The following TMEM132B variants were observed in gnomAD, a reference collection of about 807,000 sequenced individuals.
TMEM132B encodes transmembrane protein 132B.
Under a neutral mutation model 90.8 loss-of-function variants are expected in TMEM132B, and 18 were observed. The ratio of observed to expected loss-of-function variants is 0.20; its 90% CI spans 0.14 to 0.29. The LOEUF (loss-of-function observed/expected upper bound fraction) is 0.29, where lower values mean the gene tolerates loss of function less well. Ranked by LOEUF, TMEM132B falls within the 10% of genes least tolerant of loss-of-function variation. The pLI is 1.00. For synonymous variants in TMEM132B, 504 were observed against 523.3 expected (o/e 0.96, Z 0.50); for missense variants, 1,096 against 1,326.8 (o/e 0.83, Z 2.70).
intron 1 of TMEM132B, among the ~76,000 whole-genome samples, chr12:125,259,879 T>C (rs1874521983): frequency 6.6e-6 from 1 of 151,818 alleles, no homozygotes; most frequent in African/African-American, 2.4e-5. Flanking sequence ...CCCTCGTGGC[T>C]TTGGGCTGAG....
chr12:125,424,065 T>G (rs1880246046), intron 3 of TMEM132B, among the ~76,000 whole-genome samples: 1 of 152,258 alleles, frequency 6.6e-6, no homozygotes, highest in Non-Finnish European at 1.5e-5. Flanking sequence ...AATATTCTAT[T>G]GATATTATAG....
chr12:125,354,460 T>C (rs1266423591), intron 2 of TMEM132B, among the ~76,000 whole-genome samples: 3 of 152,238 alleles, frequency 2.0e-5, no homozygotes, highest in African/African-American at 7.2e-5. Context: ...AATTCACCCC[T>C]GTCCCCACCA....
chr12:125,582,186 G>C (rs73416363), intron 4 of TMEM132B, among the ~76,000 whole-genome samples: 3,691 of 151,948 alleles, frequency 0.024, 143 homozygotes, highest in African/African-American at 0.083. Context: ...TACCTTGGGA[G>C]AGCTGAGAAA....
chr12:125,537,434 T>A (rs1883835172), intron 4 of TMEM132B, among the ~76,000 whole-genome samples: 1 of 152,242 alleles, frequency 6.6e-6, no homozygotes, highest in Admixed American at 6.5e-5. Flanking sequence ...TGGCTACTTC[T>A]ACTGTTCCTG....
chr12:125,412,555 C>T (rs184290256), intron 2 of TMEM132B, among the ~76,000 whole-genome samples: 28 of 152,242 alleles, frequency 1.8e-4, no homozygotes, highest in Non-Finnish European at 3.2e-4. Flanking sequence ...GACCTTCAGC[C>T]GGTCGTGCGC....
chr12:125,348,110 C>G (rs1323382980), intron 1 of TMEM132B, among the ~76,000 whole-genome samples: 1 of 149,144 alleles, frequency 6.7e-6, no homozygotes, highest in Non-Finnish European at 1.5e-5. Flanking sequence ...GTTTTTTTTA[C>G]ACTTTATTTG....
intron 1 of TMEM132B, among the ~76,000 whole-genome samples, chr12:125,208,779 C>T (rs552299188): frequency 1.4e-4 from 22 of 152,292 alleles, no homozygotes; most frequent in African/African-American, 4.8e-4. Context: ...TTCCACAGCC[C>T]TGTGGTAAAC....
intron 3 of TMEM132B, among the ~76,000 whole-genome samples, chr12:125,457,078 G>A (rs1258352046): frequency 6.6e-6 from 1 of 152,086 alleles, no homozygotes; most frequent in Non-Finnish European, 1.5e-5. Context: ...CTGCCCACCT[G>A]CCCTTCGAAA....
At chr12:125,446,296 A>T (rs1566038786) in intron 3 of TMEM132B, among the ~76,000 whole-genome samples, 1 of 152,190 alleles carries the variant, frequency 6.6e-6, no homozygotes, top group Non-Finnish European at 1.5e-5. Context: ...AATGCTAGTT[A>T]TTATTACCTT....
intron 1 of TMEM132B, among the ~76,000 whole-genome samples, chr12:125,302,904 C>T (rs760041946): frequency 1.3e-5 from 2 of 152,126 alleles, no homozygotes; most frequent in Non-Finnish European, 2.9e-5. Context: ...CGAGACCAGC[C>T]TGGCCAACAT....
intron 3 of TMEM132B, among the ~76,000 whole-genome samples, chr12:125,428,925 C>T (rs1277764792): frequency 6.6e-6 from 1 of 152,100 alleles, no homozygotes; most frequent in Non-Finnish European, 1.5e-5. Context: ...AAGGGGTGTG[C>T]GGTCTTCACC....
At chr12:125,435,835 G>T (rs545251255) in intron 3 of TMEM132B, among the ~76,000 whole-genome samples, 2 of 152,106 alleles carry the variant, frequency 1.3e-5, no homozygotes, top group East Asian at 3.9e-4. Context: ...TGGACTCCCC[G>T]GGGCAGGAGG....
chr12:125,291,695 A>G (rs1251459799), intron 1 of TMEM132B, among the ~76,000 whole-genome samples: 1 of 152,202 alleles, frequency 6.6e-6, no homozygotes, highest in Non-Finnish European at 1.5e-5. Flanking sequence ...CAAGAATCTG[A>G]GCAGAGAACC....
chr12:125,472,443 T>C (rs1881748910), intron 3 of TMEM132B, among the ~76,000 whole-genome samples: 1 of 152,184 alleles, frequency 6.6e-6, no homozygotes, highest in South Asian at 2.1e-4. Context: ...GGGTCTGACC[T>C]TAATACTTAG....
At chr12:125,557,562 A>C (rs548800416) in intron 4 of TMEM132B, among the ~76,000 whole-genome samples, 5 of 152,198 alleles carry the variant, frequency 3.3e-5, no homozygotes, top group African/African-American at 1.2e-4. Flanking sequence ...TAAAATGCCA[A>C]TTCAACTGTG....
At chr12:125,522,912 T>C (rs1437160861) in intron 4 of TMEM132B, among the ~76,000 whole-genome samples, 2 of 152,068 alleles carry the variant, frequency 1.3e-5, no homozygotes, top group Non-Finnish European at 2.9e-5. Context: ...ACAGAGCAGG[T>C]AATGAGGGGT....
At chr12:125,332,633 CT>C (rs1876820316) in intron 1 of TMEM132B, among the ~76,000 whole-genome samples, 1 of 106,490 alleles carries the variant, frequency 9.4e-6, no homozygotes, top group Admixed American at 1.5e-4. Flanking sequence ...CAGTAGAGTG[CT>C]TTGGTAGGTG....
At chr12:125,581,347 G>A (rs1249076408) in intron 4 of TMEM132B, among the ~76,000 whole-genome samples, 1 of 152,152 alleles carries the variant, frequency 6.6e-6, no homozygotes, top group Non-Finnish European at 1.5e-5. Context: ...AGTTAATTTT[G>A]TATACCTACA....
intron 1 of TMEM132B, among the ~76,000 whole-genome samples, chr12:125,217,650 C>T (rs1593044847): frequency 6.6e-6 from 1 of 152,062 alleles, no homozygotes; most frequent in East Asian, 1.9e-4. Flanking sequence ...ATGGGGGTCT[C>T]ACCATGTTGC....
Sources: allele counts gnomAD v4.1 joint callset (sites outside exome capture counted in the v4.1 genomes callset), GRCh38; gene constraint gnomAD v4.1.1; transcripts MANE v1.5; gene names NCBI Gene and HGNC (gene_info 2026-07-23, HGNC 2026-07-21).